Variants in ITGA9 observed in about 807,000 individuals in gnomAD.
ITGA9 encodes integrin alpha-9.
ITGA9 carries 56 observed loss-of-function variants against 127.8 expected under a neutral mutation model. The ratio of observed to expected loss-of-function variants is 0.44; its 90% CI spans 0.35 to 0.55. ITGA9 has a LOEUF of 0.55. Ranked by LOEUF, ITGA9 falls within the 20% of genes least tolerant of loss-of-function variation. The probability of loss-of-function intolerance (pLI) is 0.00; values close to 1 mark genes in which losing one functional copy is unlikely to be tolerated. For synonymous variants in ITGA9, 508 were observed against 514.5 expected (o/e 0.99, Z 0.17); for missense variants, 1,196 against 1,347.1 (o/e 0.89, Z 1.76).
intron 7 of ITGA9, among the ~76,000 whole-genome samples, chr3:37,507,195 A>G (rs1698854029): frequency 6.6e-6 from 1 of 152,140 alleles, no homozygotes; most frequent in Non-Finnish European, 1.5e-5. Context: ...CAAGCAGGTG[A>G]CCTTCGATCA....
rs267561 is a variant in ITGA9, at chr3:37,533,460, G to A, written c.1520G>A (p.Gly507Glu). 0.58 allele frequency: 933,021 copies of A among 1,613,482 alleles called. 274,594 individuals are homozygous for A. The highest frequency in any genetic ancestry group is 0.8 in the East Asian group (35,650 of 44,832). ...AGCTTCCATGGCAAACACGTTCCAG[G>A]AGAGATTGGTAATGAGCCACCAAGT... Reference protein sequence around the residue: ...CFSFHGKHVPGEIGLNYVLMA... With the variant: ...CFSFHGKHVPEEIGLNYVLMA... Residue 507 changes from glycine to glutamate, a missense_variant, in exon 14 of 28, where the codon GGA (glycine) becomes GAA (glutamate). Gly to Glu is a moderately conservative substitution (Grantham distance 98, BLOSUM62 -2). Coordinates refer to ENST00000264741, the MANE Select transcript of ITGA9 (RefSeq NM_002207.3).
intron 11 of ITGA9, among the ~76,000 whole-genome samples, chr3:37,521,405 C>T (rs1008060916): frequency 1.3e-5 from 2 of 152,208 alleles, no homozygotes; most frequent in South Asian, 2.1e-4. Flanking sequence ...AACTCTCTCT[C>T]GAGTTTACCA....
intron 1 of ITGA9, among the ~76,000 whole-genome samples, chr3:37,458,040 T>C (rs1471924359): frequency 6.6e-6 from 1 of 152,274 alleles, no homozygotes; most frequent in Non-Finnish European, 1.5e-5. Flanking sequence ...AAAGCAGCCA[T>C]GGTGTTCTCT....
intron 9 of ITGA9, among the ~76,000 whole-genome samples, chr3:37,514,604 C>T: frequency 6.6e-6 from 1 of 152,190 alleles, no homozygotes; most frequent in East Asian, 1.9e-4. Flanking sequence ...AAGTATCACT[C>T]CATCACCCAG....
intron 5 of ITGA9, 79 bp downstream of exon 5, chr3:37,494,647 G>C: frequency 8.5e-7 from 1 of 1,175,762 alleles, no homozygotes; most frequent in South Asian, 1.3e-5. Context: ...GCAACCCTTA[G>C]AGGTGGGACT....
rs571163038 is a variant in ITGA9 at position 37,466,432 on chromosome 3, G to A, written c.186-4575G>A. ...CCGGGAGGTGGAGGTTGCAGTGAGCGGAGATCGCCGCACTGCACTCCAGCC... is the reference window on the plus strand; with the variant it reads ...CCGGGAGGTGGAGGTTGCAGTGAGCAGAGATCGCCGCACTGCACTCCAGCC... On this transcript the variant is annotated intron_variant, in intron 1 of 27. Coordinates refer to ENST00000264741, the MANE Select transcript of ITGA9 (RefSeq NM_002207.3). Among the ~76,000 whole-genome samples, 14 of 136,470 alleles carry A rather than the reference G, an allele frequency of 1.0e-4. No individual in the cohort carries two copies. In the East Asian group the frequency reaches 1.7e-3, roughly 17 times the overall value. The allele number at this position is 136,470 out of a possible 152,430, so 89.5% of individuals were successfully genotyped here. A position where few individuals can be genotyped will look rare whatever the true frequency, so the allele number is the denominator to read the frequency against.
At chr3:37,507,951 C>T (rs185755656) in intron 7 of ITGA9, among the ~76,000 whole-genome samples, 4 of 152,308 alleles carry the variant, frequency 2.6e-5, no homozygotes, top group East Asian at 1.9e-4. Context: ...TTTGCAGTGG[C>T]GATGCATAGT....
intron 19 of ITGA9, among the ~76,000 whole-genome samples, chr3:37,734,530 C>T (rs1216973276): frequency 6.6e-5 from 10 of 152,306 alleles, no homozygotes; most frequent in African/African-American, 2.4e-4. Flanking sequence ...CTCTCTGTCG[C>T]CCAGGCTGGA....
chr3:37,741,936 C>G, intron 21 of ITGA9, 117 bp downstream of exon 21: 1 of 770,498 alleles, frequency 1.3e-6, no homozygotes, highest in Non-Finnish European at 2.3e-6. Context: ...ACCTCCACTT[C>G]CTCCCAGCCT....
chr3:37,650,154 A>G (rs1332602933), intron 16 of ITGA9, among the ~76,000 whole-genome samples: 2 of 152,160 alleles, frequency 1.3e-5, no homozygotes, highest in Non-Finnish European at 2.9e-5. Flanking sequence ...AAATTCTAAG[A>G]ACAAATGCCC....
intron 15 of ITGA9, chr3:37,573,040 C>T (rs1026558745): frequency 1.3e-5 from 2 of 152,218 alleles, no homozygotes; most frequent in African/African-American, 4.8e-5. Flanking sequence ...TCATTAGCTT[C>T]TGTTAGTCCC....
intron 18 of ITGA9, among the ~76,000 whole-genome samples, chr3:37,727,979 T>G (rs1422940275): frequency 6.6e-6 from 1 of 152,226 alleles, no homozygotes; most frequent in Non-Finnish European, 1.5e-5. Flanking sequence ...TAGAGCAAGA[T>G]TTCTGCTTCA....
At chr3:37,489,815 C>T (rs1386334808) in intron 4 of ITGA9, among the ~76,000 whole-genome samples, 1 of 151,736 alleles carries the variant, frequency 6.6e-6, no homozygotes, top group African/African-American at 2.4e-5. Context: ...CTCAGTGCCA[C>T]AATGAAATAG....
chr3:37,780,479 A>G (rs902682123), intron 25 of ITGA9, among the ~76,000 whole-genome samples: 2 of 152,184 alleles, frequency 1.3e-5, no homozygotes, highest in Non-Finnish European at 2.9e-5. Context: ...GCTGCAAAAG[A>G]CATAATTTAA....
In ITGA9 at chr3:37,768,903, A is replaced by G. The variant is rs1325793182; in HGVS notation, c.2542-8489A>G. 6.0e-5 allele frequency among the ~76,000 whole-genome samples: 9 copies of G among 151,230 alleles called. No homozygotes were observed. The East Asian group carries it at 1.7e-3, about 29-fold the overall frequency. ...TAATTTAATCTTCCATTTTCCTTTG[A>G]TTGGTGATGCACGCATTCAAGGGGC... On this transcript the variant is annotated intron_variant, in intron 23 of 27. Transcript: ENST00000264741.
At chr3:37,485,671 C>T (rs1457866730) in intron 4 of ITGA9, among the ~76,000 whole-genome samples, 1 of 152,030 alleles carries the variant, frequency 6.6e-6, no homozygotes, top group African/African-American at 2.4e-5. Flanking sequence ...GGGATCTCTC[C>T]AAAATGTCTC....
At chr3:37,585,661 G>C in intron 15 of ITGA9, 1 of 514,546 alleles carries the variant, frequency 1.9e-6, no homozygotes, top group Non-Finnish European at 3.9e-6. Context: ...GGCTAAAGAA[G>C]TCTCAACACA....
chr3:37,678,638 C>A (rs1700705515), intron 17 of ITGA9, among the ~76,000 whole-genome samples: 1 of 152,034 alleles, frequency 6.6e-6, no homozygotes, highest in African/African-American at 2.4e-5. Context: ...TTTATGATGG[C>A]AGCAAAAGAA....
At chr3:37,531,784 A>G (rs1456233205) in intron 13 of ITGA9, among the ~76,000 whole-genome samples, 2 of 152,226 alleles carry the variant, frequency 1.3e-5, no homozygotes. Context: ...GAACGAGAGG[A>G]TGAATTCACC....
Sources: gnomAD v4.1 joint callset for allele counts (sites outside exome capture counted in the v4.1 genomes callset) on GRCh38, gnomAD v4.1.1 for gene constraint, MANE v1.5 for transcripts, NCBI Gene and HGNC (gene_info 2026-07-23, HGNC 2026-07-21) for gene names.